DLGAP1: variants seen among roughly 807,000 people sequenced by gnomAD.
DLGAP1 encodes the protein DLG associated protein 1.
Under a neutral mutation model 90.8 loss-of-function variants are expected in DLGAP1, and 11 were observed. That is an observed-to-expected ratio of 0.12 (90% CI 0.08 to 0.20). DLGAP1 has a LOEUF of 0.20. DLGAP1 is among the 10% of genes least tolerant of loss of function. The probability of loss-of-function intolerance (pLI) is 1.00; values close to 1 mark genes in which losing one functional copy is unlikely to be tolerated. For missense variants in DLGAP1, 1,050 were observed against 1,333.8 expected, an observed-to-expected ratio of 0.79 and a Z score of 3.31; for synonymous variants, 558 against 540.7, an observed-to-expected ratio of 1.03 and a Z score of -0.44.
In DLGAP1 at chr18:3,499,344, C is replaced by T. The variant is rs2049808285; in HGVS notation, c.2775G>A (p.Ala925=). The change falls in exon 13 of 13, where the codon GCG becomes GCA. Residue 925 remains alanine (A), a synonymous_variant. Coordinates refer to ENST00000315677, the MANE Select transcript of DLGAP1 (RefSeq NM_004746.4). The surrounding 1 kb of genome is among the most constrained non-coding windows in gnomAD (Gnocchi z 6.4). ...CCAGCGAGCGCTCCCGGATCAGCGGCGCGGGGCCCTTCGCCGGCTTCTTTG... is the reference window on the plus strand; with the variant it reads ...CCAGCGAGCGCTCCCGGATCAGCGGTGCGGGGCCCTTCGCCGGCTTCTTTG... ...PVPKKPAKGP[A]PLIRERSLES... The T allele has an allele frequency of 6.4e-7, 1 of 1,557,568 alleles. No homozygotes were observed. Among genetic ancestry groups the T allele is most frequent in the Non-Finnish European group, 8.7e-7 (1 of 1,151,720 alleles).
At chr18:3,906,391 G>T (rs1474262285) in intron 3 of DLGAP1, among the ~76,000 whole-genome samples, 1 of 152,066 alleles carries the variant, frequency 6.6e-6, no homozygotes, top group East Asian at 1.9e-4. Context: ...TATAGTTGAA[G>T]TCCTTTCACA....
chr18:4,123,394 A>G (rs750516164), intron 2 of DLGAP1, among the ~76,000 whole-genome samples: 2 of 152,184 alleles, frequency 1.3e-5, no homozygotes, highest in Non-Finnish European at 2.9e-5. Context: ...GAGACCCTCC[A>G]TAATTACATG....
At chr18:4,168,839 CT>C (rs781194322) in intron 1 of DLGAP1, among the ~76,000 whole-genome samples, 2 of 152,184 alleles carry the variant, frequency 1.3e-5, no homozygotes, top group Non-Finnish European at 1.5e-5. Context: ...CCACCTCAGC[CT>C]TCCAAGTAGC....
chr18:3,881,966 C>T (rs1388110242), intron 3 of DLGAP1, among the ~76,000 whole-genome samples: 2 of 152,182 alleles, frequency 1.3e-5, no homozygotes, highest in Non-Finnish European at 2.9e-5. Context: ...AATGGCACCT[C>T]GTATCTTTAG....
At chr18:4,049,715 G>T (rs1223126147) in intron 2 of DLGAP1, among the ~76,000 whole-genome samples, 2 of 152,110 alleles carry the variant, frequency 1.3e-5, no homozygotes, top group Non-Finnish European at 2.9e-5. Flanking sequence ...GGACTGCCTG[G>T]TGGACTGCTT....
At chr18:4,170,003 T>C (rs1002610505) in intron 1 of DLGAP1, among the ~76,000 whole-genome samples, 1 of 152,054 alleles carries the variant, frequency 6.6e-6, no homozygotes, top group Non-Finnish European at 1.5e-5. Flanking sequence ...AATGAGGCAA[T>C]GCAGTGAGGG....
intron 1 of DLGAP1, among the ~76,000 whole-genome samples, chr18:4,263,309 A>G (rs1329447239): frequency 6.6e-6 from 1 of 152,202 alleles, no homozygotes; most frequent in African/African-American, 2.4e-5. Flanking sequence ...AAATAATATT[A>G]CTGACTAGAA....
At chr18:4,321,571 T>C (rs2080687501) in intron 1 of DLGAP1, among the ~76,000 whole-genome samples, 2 of 152,282 alleles carry the variant, frequency 1.3e-5, no homozygotes, top group African/African-American at 4.8e-5. Flanking sequence ...CAGACAGCAA[T>C]GATTTCCAGA....
chr18:3,765,689 CCAGGCGTGGTGG>C (rs939285953), intron 5 of DLGAP1, among the ~76,000 whole-genome samples: 9 of 151,784 alleles, frequency 5.9e-5, no homozygotes, highest in African/African-American at 2.2e-4. Context: ...AAAAAATTAG[CCAGGCGTGGTGG>C]CAGGCACCTG....
intron 3 of DLGAP1, among the ~76,000 whole-genome samples, chr18:3,897,232 C>T (rs554936070): frequency 1.0e-3 from 153 of 152,196 alleles, no homozygotes; most frequent in African/African-American, 3.4e-3. Flanking sequence ...AAATGTTGGC[C>T]GAGGAATGCT....
rs911919727 is a variant in DLGAP1, at chr18:4,391,794, C to T, written c.-267+63212G>A. ...GGGCTAAACATTTACCTCATGGGAG[C>T]CTAAGGAGTTTCTGAATGTCTCCAG... On this transcript the variant is annotated intron_variant, in intron 1 of 12. Transcript: ENST00000315677. 1.4e-4 allele frequency among the ~76,000 whole-genome samples: 22 copies of T among 152,212 alleles called. No homozygotes were observed. The East Asian group carries it at 4.3e-3, about 29-fold the overall frequency.
intron 5 of DLGAP1, among the ~76,000 whole-genome samples, chr18:3,745,442 G>T (rs1304124253): frequency 6.6e-6 from 1 of 152,108 alleles, no homozygotes; most frequent in East Asian, 1.9e-4. Context: ...ACTAAACTGG[G>T]CAATACTAGA....
At chr18:3,539,937 C>A (rs1217957963) in intron 9 of DLGAP1, among the ~76,000 whole-genome samples, 3 of 152,172 alleles carry the variant, frequency 2.0e-5, no homozygotes, top group African/African-American at 7.2e-5. Context: ...TCAAAGAGAG[C>A]AATGCTAGCA....
intron 2 of DLGAP1, among the ~76,000 whole-genome samples, chr18:4,048,409 G>A (rs1267758519): frequency 6.6e-6 from 1 of 152,122 alleles, no homozygotes; most frequent in African/African-American, 2.4e-5. Context: ...AAATTACTTA[G>A]AGTTTTTCAC....
rs1486787646 is a variant in DLGAP1 at position 3,565,633 on chromosome 18, G to A, written c.2057+1857C>T. On this transcript the variant is annotated intron_variant, in intron 9 of 12. Transcript: ENST00000315677. The surrounding 1 kb of genome is among the most constrained non-coding windows in gnomAD (Gnocchi z 4.0). ...GGTGGATCACAAGGTCAAGATGATC[G>A]AAACCATCCTGGCCAACATGGTGAA... Among the ~76,000 whole-genome samples, 2 of 150,830 alleles carry A rather than the reference G, an allele frequency of 1.3e-5. No homozygotes were observed. The highest frequency in any genetic ancestry group is 2.4e-5 in the African/African-American group (1 of 41,120).
chr18:4,164,473 A>C (rs867701356), intron 1 of DLGAP1, among the ~76,000 whole-genome samples: 1 of 152,126 alleles, frequency 6.6e-6, no homozygotes, highest in South Asian at 2.1e-4. Context: ...TGAGGTCAGG[A>C]GTTTGAGACC....
chr18:4,099,730 G>C (rs1166990721), intron 2 of DLGAP1, among the ~76,000 whole-genome samples: 1 of 149,040 alleles, frequency 6.7e-6, no homozygotes, highest in Non-Finnish European at 1.5e-5. Flanking sequence ...TAGAGTTGAG[G>C]TCTTGCACTG....
intron 2 of DLGAP1, among the ~76,000 whole-genome samples, chr18:4,102,191 C>T (rs2075790432): frequency 6.6e-6 from 1 of 152,162 alleles, no homozygotes; most frequent in East Asian, 1.9e-4. Context: ...TTCTAAAGGA[C>T]TCCAGTAGGG....
chr18:3,740,994 TCACCTCACCACCACCAC>T (rs2062897725), intron 6 of DLGAP1, among the ~76,000 whole-genome samples: 1 of 51,938 alleles, frequency 1.9e-5, no homozygotes, highest in African/African-American at 7.7e-5. Flanking sequence ...ACCACCACCA[TCACCTCACCACCACCAC>T]CACCATCACC....
Sources: gnomAD v4.1 joint callset for allele counts (sites outside exome capture counted in the v4.1 genomes callset) on GRCh38, gnomAD v4.1.1 for gene constraint, Gnocchi (gnomAD v3.1) non-coding constraint, MANE v1.5 for transcripts, NCBI Gene and HGNC (gene_info 2026-07-23, HGNC 2026-07-21) for gene names.